Variants in TRIM2 observed in about 807,000 individuals in gnomAD.
The protein encoded by TRIM2 is tripartite motif-containing protein 2.
TRIM2 carries 20 observed loss-of-function variants against 75.2 expected under a neutral mutation model. That is an observed-to-expected ratio of 0.27 (90% CI 0.19 to 0.39). The LOEUF (loss-of-function observed/expected upper bound fraction) is 0.39, where lower values mean the gene tolerates loss of function less well. Among genes scored for constraint, TRIM2 ranks in the 10% least tolerant of loss-of-function variants. The probability of loss-of-function intolerance (pLI) is 1.00; values close to 1 mark genes in which losing one functional copy is unlikely to be tolerated. For missense variants in TRIM2, 660 were observed against 990.8 expected (o/e 0.67, Z 4.48); for synonymous variants, 373 against 388.3 (o/e 0.96, Z 0.46).
chr4:153,163,235 G>A (rs1165477969), intron 1 of TRIM2, among the ~76,000 whole-genome samples: 1 of 152,080 alleles, frequency 6.6e-6, no homozygotes, highest in Non-Finnish European at 1.5e-5. Context: ...GCCCAGGCTG[G>A]AGTGCAGGGG....
At chr4:153,283,798 C>T (rs978812732) in intron 3 of TRIM2, among the ~76,000 whole-genome samples, 4 of 150,554 alleles carry the variant, frequency 2.7e-5, no homozygotes, top group African/African-American at 4.9e-5. Context: ...CACCACGCCC[C>T]GTGAATTTTT....
chr4:153,270,570 C>T, intron 2 of TRIM2, 51 bp downstream of exon 2: 1 of 1,462,852 alleles, frequency 6.8e-7, no homozygotes, highest in Non-Finnish European at 9.3e-7. Context: ...TGACCTCCTA[C>T]AACCTACTGC....
chr4:153,294,872 G>A (rs1163781215), intron 5 of TRIM2, among the ~76,000 whole-genome samples: 2 of 152,154 alleles, frequency 1.3e-5, no homozygotes, highest in Non-Finnish European at 2.9e-5. Flanking sequence ...CTGCATGTCT[G>A]TTCACAAAAC....
chr4:153,295,875 G>T lies in TRIM2; in HGVS notation c.1349G>T (p.Arg450Leu). 6.2e-7 allele frequency: 1 copy of T among 1,613,926 alleles called. No individual in the cohort carries two copies. Among genetic ancestry groups the T allele is most frequent in the Non-Finnish European group, 8.5e-7 (1 of 1,179,908 alleles). ...RGSPFKLKVI[R>L]SADVSPTTEG... Reference sequence around the variant, plus strand: ...AGCCCGTTTAAGCTGAAAGTGATCCGATCCGCTGATGTGTCTCCCACCACA... The same window carrying T: ...AGCCCGTTTAAGCTGAAAGTGATCCTATCCGCTGATGTGTCTCCCACCACA... The change falls in exon 6 of 12, where the codon CGA becomes CTA. Residue 450 changes from arginine (R) to leucine (L), a missense_variant. Coordinates refer to ENST00000338700, the MANE Select transcript of TRIM2 (RefSeq NM_015271.5). The surrounding 1 kb of genome is among the most constrained non-coding windows in gnomAD (Gnocchi z 7.2).
chr4:153,259,312 G>T (rs1392484330), intron 1 of TRIM2, among the ~76,000 whole-genome samples: 1 of 151,964 alleles, frequency 6.6e-6, no homozygotes, highest in African/African-American at 2.4e-5. Context: ...TTCATTCTTT[G>T]TCTTACTAAG....
intron 1 of TRIM2, among the ~76,000 whole-genome samples, chr4:153,231,792 A>T (rs899825019): frequency 6.6e-6 from 1 of 152,110 alleles, no homozygotes; most frequent in Non-Finnish European, 1.5e-5. Context: ...CTCTGTGTCC[A>T]AATTCCCCCT....
In TRIM2 at chr4:153,337,816, C is replaced by G; in HGVS notation, c.*2850C>G. The G allele has an allele frequency of 1.0e-6, 1 of 985,790 alleles. No homozygotes were observed. The highest frequency in any genetic ancestry group is 4.7e-5 in the South Asian group (1 of 21,284). The allele number at this position is 985,790 out of a possible 1,614,324, so 61.1% of individuals were successfully genotyped here. ...AAGTAGCACTGAAAAATTACTCATT[C>G]AAATTTCCCCTGGGCACGTAAGGCA... On this transcript the variant is annotated 3_prime_UTR_variant, in exon 12 of 12. Transcript: ENST00000338700.
chr4:153,162,676 A>T lies in TRIM2; in HGVS notation c.-49+9406A>T, dbSNP rs538796187. On this transcript the variant is annotated intron_variant, in intron 1 of 11. Coordinates refer to the TRIM2 transcript ENST00000437508. ...TAAAATTAGCCATTACAATGAGTGA[A>T]TGAGTAAATAAGAAACAGTAGTTTC... 3.9e-5 allele frequency among the ~76,000 whole-genome samples: 6 copies of T among 152,346 alleles called. No individual in the cohort carries two copies. In the South Asian group the frequency reaches 8.3e-4, roughly 21 times the overall value.
chr4:153,274,040 G>A (rs60752772), intron 2 of TRIM2, among the ~76,000 whole-genome samples: 2,196 of 152,340 alleles, frequency 0.014, 51 homozygotes, highest in African/African-American at 0.048. Context: ...GGAAGAGACA[G>A]AAAGTATGTA....
At chr4:153,262,595 G>A (rs928731419) in intron 1 of TRIM2, among the ~76,000 whole-genome samples, 5 of 152,122 alleles carry the variant, frequency 3.3e-5, no homozygotes, top group African/African-American at 1.2e-4. Context: ...ATCTGTAGGA[G>A]CAATTGGGGA....
intron 1 of TRIM2, among the ~76,000 whole-genome samples, chr4:153,169,698 A>G (rs1343913832): frequency 6.6e-6 from 1 of 152,250 alleles, no homozygotes; most frequent in Non-Finnish European, 1.5e-5. Context: ...TATTGATGAA[A>G]GCTCTCTGTG....
chr4:153,268,141 G>T (rs1448011217), intron 1 of TRIM2, among the ~76,000 whole-genome samples: 1 of 152,242 alleles, frequency 6.6e-6, no homozygotes, highest in Non-Finnish European at 1.5e-5. Flanking sequence ...GGTGGTGTCA[G>T]CTGATCCACT....
chr4:153,313,444 T>C (rs1283635321), intron 6 of TRIM2, among the ~76,000 whole-genome samples: 3 of 152,074 alleles, frequency 2.0e-5, no homozygotes, highest in Non-Finnish European at 2.9e-5. Flanking sequence ...AATTTTGTTG[T>C]TGATTTTATT....
At chr4:153,200,437 A>G (rs1480785623), upstream of TRIM2, among the ~76,000 whole-genome samples, 1 of 152,016 alleles carries the variant, frequency 6.6e-6, no homozygotes, top group Non-Finnish European at 1.5e-5. Flanking sequence ...TCATCTTTTG[A>G]TGGACATTTG....
chr4:153,230,523 C>A (rs1268198559), intron 1 of TRIM2, among the ~76,000 whole-genome samples: 5 of 152,266 alleles, frequency 3.3e-5, no homozygotes, highest in Middle Eastern at 6.8e-3. Flanking sequence ...GTTACAAAAA[C>A]AAAAAACACA....
chr4:153,239,475 A>G (rs2149835174), intron 1 of TRIM2, among the ~76,000 whole-genome samples: 1 of 151,326 alleles, frequency 6.6e-6, no homozygotes, highest in East Asian at 1.9e-4. Flanking sequence ...ATTCCTTTCT[A>G]ACTAAGAGAG....
At chr4:153,253,720 C>T (rs1751395516) in intron 1 of TRIM2, among the ~76,000 whole-genome samples, 1 of 152,200 alleles carries the variant, frequency 6.6e-6, no homozygotes. Flanking sequence ...AAGATGGCCT[C>T]CAGAGTGACC....
chr4:153,308,804 C>A, intron 6 of TRIM2: 1 of 459,624 alleles, frequency 2.2e-6, no homozygotes. Context: ...TGAGAGCGTC[C>A]CCAGATGCTG....
chr4:153,180,862 TC>T (rs1456335784), intron 1 of TRIM2, among the ~76,000 whole-genome samples: 2 of 152,232 alleles, frequency 1.3e-5, no homozygotes, highest in Non-Finnish European at 2.9e-5. Context: ...GAGCACTCCA[TC>T]CACCCATCCA....
Sources: gnomAD v4.1 joint callset for allele counts (sites outside exome capture counted in the v4.1 genomes callset) on GRCh38, gnomAD v4.1.1 for gene constraint, Gnocchi (gnomAD v3.1) non-coding constraint, MANE v1.5 for transcripts, NCBI Gene and HGNC (gene_info 2026-07-23, HGNC 2026-07-21) for gene names.